The following NAALADL2 variants were observed in gnomAD, a reference collection of about 807,000 sequenced individuals.
NAALADL2 encodes N-acetylated alpha-linked acidic dipeptidase like 2.
A neutral mutation model predicts 87.2 loss-of-function variants in NAALADL2; 76 were observed. That is an observed-to-expected ratio of 0.87 (90% CI 0.72 to 1.05). The LOEUF (loss-of-function observed/expected upper bound fraction) is 1.05, where lower values mean the gene tolerates loss of function less well. NAALADL2 is among the 50% of genes least tolerant of loss of function. The pLI, the probability that NAALADL2 is intolerant of heterozygous loss-of-function variation, is 0.00. For missense variants in NAALADL2, 1,089 were observed against 945.8 expected, an observed-to-expected ratio of 1.15 and a Z score of -1.99; for synonymous variants, 354 against 331.0, an observed-to-expected ratio of 1.07 and a Z score of -0.75.
chr3:174,908,456 C>T (rs1733253173), intron 1 of NAALADL2, among the ~76,000 whole-genome samples: 1 of 152,008 alleles, frequency 6.6e-6, no homozygotes, highest in African/African-American at 2.4e-5. Context: ...TCAACGATGG[C>T]TCTAGAAACA....
intron 11 of NAALADL2, among the ~76,000 whole-genome samples, chr3:175,646,662 C>T (rs1490566272): frequency 6.6e-6 from 1 of 152,038 alleles, no homozygotes; most frequent in East Asian, 1.9e-4. Context: ...TAATATTAAG[C>T]ATTTTTGGCT....
At chr3:175,084,135 G>A (rs1005974876) in intron 1 of NAALADL2, among the ~76,000 whole-genome samples, 1 of 152,166 alleles carries the variant, frequency 6.6e-6, no homozygotes, top group Non-Finnish European at 1.5e-5. Flanking sequence ...GATGTGATCA[G>A]GTGTGTGTTT....
At chr3:175,381,489 A>G (rs1210202924) in intron 5 of NAALADL2, among the ~76,000 whole-genome samples, 1 of 152,054 alleles carries the variant, frequency 6.6e-6, no homozygotes, top group Non-Finnish European at 1.5e-5. Flanking sequence ...GTAATGATTC[A>G]TAATAATCTT....
intron 9 of NAALADL2, among the ~76,000 whole-genome samples, chr3:175,499,056 A>G (rs779461046): frequency 2.0e-5 from 3 of 152,128 alleles, no homozygotes; most frequent in Non-Finnish European, 4.4e-5. Context: ...AGGCTACTCT[A>G]CATACTTATT....
At chr3:175,144,552 T>C (rs1730488804) in intron 2 of NAALADL2, among the ~76,000 whole-genome samples, 4 of 151,980 alleles carry the variant, frequency 2.6e-5, no homozygotes, top group Admixed American at 2.6e-4. Context: ...GATTGCGCAA[T>C]CCAGAGATGG....
intron 5 of NAALADL2, among the ~76,000 whole-genome samples, chr3:175,415,858 A>G (rs1351253742): frequency 1.3e-5 from 2 of 151,884 alleles, no homozygotes; most frequent in East Asian, 3.9e-4. Flanking sequence ...TCACACCTGT[A>G]ATTCCAGCAA....
At chr3:175,336,935 T>G (rs1762041817) in intron 5 of NAALADL2, among the ~76,000 whole-genome samples, 1 of 152,184 alleles carries the variant, frequency 6.6e-6, no homozygotes, top group Admixed American at 6.6e-5. Flanking sequence ...TGACAGTTTT[T>G]ATGATAATAC....
intron 1 of NAALADL2, among the ~76,000 whole-genome samples, chr3:174,961,003 C>A (rs982522869): frequency 6.7e-6 from 1 of 150,166 alleles, no homozygotes. Flanking sequence ...TGCCATTCCA[C>A]TCCAGAGTGG....
intron 1 of NAALADL2, among the ~76,000 whole-genome samples, chr3:174,983,673 G>GGTGAT (rs1745434824): frequency 1.3e-5 from 2 of 152,074 alleles, no homozygotes; most frequent in South Asian, 4.1e-4. Context: ...TCGCACTCAA[G>GGTGAT]GTGATTCTGC....
rs148496052 is a variant in NAALADL2 at position 175,689,847 on chromosome 3, G to A, written c.1897-47459G>A. On this transcript the variant is annotated intron_variant, in intron 11 of 13. Coordinates refer to ENST00000454872, the MANE Select transcript of NAALADL2 (RefSeq NM_207015.3). ...TTACCCAGGGGGCATTATTAGCTAC[G>A]TTCCAAGAGTATTCTTGGATAAGAA... Among the ~76,000 whole-genome samples, 125 of 152,128 alleles carry A rather than the reference G, an allele frequency of 8.2e-4. 1 individual carries two copies. The highest frequency in any genetic ancestry group is 2.7e-3 in the African/African-American group (111 of 41,508).
chr3:175,732,801 T>A (rs1458753139), intron 11 of NAALADL2, among the ~76,000 whole-genome samples: 2 of 151,890 alleles, frequency 1.3e-5, no homozygotes, highest in Non-Finnish European at 2.9e-5. Flanking sequence ...GTTGGTAAAT[T>A]TGGGAGAAAA....
chr3:175,161,730 A>G (rs1733255656), intron 2 of NAALADL2, among the ~76,000 whole-genome samples: 1 of 151,756 alleles, frequency 6.6e-6, no homozygotes, highest in Admixed American at 6.6e-5. Context: ...ATAGCAAGTA[A>G]AGTGCACTGG....
intron 1 of NAALADL2, among the ~76,000 whole-genome samples, chr3:175,070,887 G>A (rs960156728): frequency 6.6e-6 from 1 of 152,008 alleles, no homozygotes. Context: ...AATTTTTGCA[G>A]TAACTGTGCT....
At chr3:175,321,316 AG>A (rs1475579729) in intron 4 of NAALADL2, among the ~76,000 whole-genome samples, 1 of 123,124 alleles carries the variant, frequency 8.1e-6, no homozygotes, top group Non-Finnish European at 1.6e-5. Context: ...TCAATAAATT[AG>A]GTATTGATGG....
At chr3:174,499,027 A>G (rs1718721969) in intron 1 of NAALADL2, among the ~76,000 whole-genome samples, 4 of 152,116 alleles carry the variant, frequency 2.6e-5, no homozygotes, top group Admixed American at 1.3e-4. Context: ...TATTATTACA[A>G]TTAATCTTTT....
chr3:175,285,909 T>A (rs1043198442), intron 4 of NAALADL2, among the ~76,000 whole-genome samples: 12 of 152,292 alleles, frequency 7.9e-5, no homozygotes, highest in African/African-American at 2.4e-4. Flanking sequence ...AAGTGCTATG[T>A]ATTCATAAAA....
chr3:174,938,210 T>C (rs190969810), intron 1 of NAALADL2, among the ~76,000 whole-genome samples: 1 of 152,052 alleles, frequency 6.6e-6, no homozygotes, highest in Non-Finnish European at 1.5e-5. Context: ...CAGTGTCTGT[T>C]GCTTTATTCT....
chr3:174,978,051 A>G (rs1744596474), intron 1 of NAALADL2, among the ~76,000 whole-genome samples: 2 of 152,230 alleles, frequency 1.3e-5, no homozygotes, highest in South Asian at 4.1e-4. Context: ...TGCACCTCAC[A>G]ACCAGGAGGA....
At chr3:174,694,959 C>T (rs1187446381) in intron 2 of NAALADL2, among the ~76,000 whole-genome samples, 1 of 151,920 alleles carries the variant, frequency 6.6e-6, no homozygotes, top group Non-Finnish European at 1.5e-5. Flanking sequence ...TTTAAAACCA[C>T]CACTTCTAGA....
Sources: allele counts gnomAD v4.1 joint callset (sites outside exome capture counted in the v4.1 genomes callset), GRCh38; gene constraint gnomAD v4.1.1; transcripts MANE v1.5; gene names NCBI Gene and HGNC (gene_info 2026-07-23, HGNC 2026-07-21).